PRKCB: variants seen among roughly 807,000 people sequenced by gnomAD.
The protein encoded by PRKCB is protein kinase C beta type.
A neutral mutation model predicts 81.5 loss-of-function variants in PRKCB; 13 were observed. That is an observed-to-expected ratio of 0.16 (90% confidence interval 0.10 to 0.25). PRKCB has a LOEUF of 0.25. PRKCB is among the 10% of genes least tolerant of loss of function. The pLI is 1.00. For missense variants in PRKCB, 509 were observed against 875.7 expected (o/e 0.58, Z 5.29); for synonymous variants, 335 against 321.4 (o/e 1.04, Z -0.45).
intron 11 of PRKCB, chr16:24,174,177 T>A (rs1022517560): frequency 5.2e-6 from 1 of 193,172 alleles, no homozygotes; most frequent in African/African-American, 2.3e-5. Context: ...ACCCAGTTAT[T>A]TTTTTTCTTT....
chr16:24,078,434 A>G (rs1347545263), intron 5 of PRKCB, among the ~76,000 whole-genome samples: 1 of 152,200 alleles, frequency 6.6e-6, no homozygotes, highest in Admixed American at 6.5e-5. Flanking sequence ...AACAAGAAGT[A>G]AAGCTAACTT....
At chr16:23,837,116 C>T in intron 1 of PRKCB, 4 of 561,432 alleles carry the variant, frequency 7.1e-6, no homozygotes, top group East Asian at 6.6e-5. Flanking sequence ...CAGCCCCTAC[C>T]CCGACGGAAA....
rs56897816 is a variant in PRKCB, at chr16:23,900,718, G to GTTTTTTT, written c.205+63338_205+63344dup. On this transcript the variant is annotated intron_variant, in intron 2 of 16. Transcript: ENST00000643927. ...CTCATTCATTTTAACAGCTGCACAG[G>GTTTTTTT]TTTTTTTTTTTTTTTTTTTTTTTTT... is the stretch of plus-strand genomic sequence containing the variant. Among the ~76,000 whole-genome samples the GTTTTTTT allele has an allele frequency of 7.4e-4, 46 of 62,264 alleles. 3 individuals carry two copies. The highest frequency in any genetic ancestry group is 2.7e-3 in the African/African-American group (38 of 14,274). 40.8% of individuals were successfully genotyped at this position (62,264 alleles called of 152,430 possible).
chr16:24,159,315 G>A lies in PRKCB; in HGVS notation c.1239+4458G>A, dbSNP rs1011910298. 3.3e-5 allele frequency among the ~76,000 whole-genome samples: 5 copies of A among 152,296 alleles called. No individual in the cohort carries two copies. The East Asian group carries it at 5.8e-4, about 18-fold the overall frequency. On this transcript the variant is annotated intron_variant, in intron 10 of 16. Coordinates refer to ENST00000643927, the MANE Select transcript of PRKCB (RefSeq NM_002738.7). ...TAGTTCTTCCTCGACACAGCACTGG[G>A]TCATTGGCTCATTGAGCTCAGAGCC... is the stretch of plus-strand genomic sequence containing the variant.
At chr16:24,192,032 T>G (rs1368050429) in intron 16 of PRKCB, among the ~76,000 whole-genome samples, 1 of 152,260 alleles carries the variant, frequency 6.6e-6, no homozygotes, top group African/African-American at 2.4e-5. Flanking sequence ...TGATGGGTTG[T>G]AAAACTACTG....
chr16:23,943,519 ACT>A (rs141537372), intron 2 of PRKCB, among the ~76,000 whole-genome samples: 13 of 149,092 alleles, frequency 8.7e-5, no homozygotes, highest in African/African-American at 1.7e-4. Context: ...ATAGAGTGAG[ACT>A]CTCTCTCTCT....
chr16:23,909,263 A>G (rs80195135), intron 2 of PRKCB, among the ~76,000 whole-genome samples: 2,957 of 152,228 alleles, frequency 0.019, 91 homozygotes, highest in African/African-American at 0.065. Flanking sequence ...GTTTTCTTCC[A>G]CATTCCTCTA....
rs1962179187 is a variant in PRKCB at position 23,837,228 on chromosome 16, G to A, written c.174-147G>A. On this transcript the variant is annotated intron_variant, in intron 1 of 16. Transcript: ENST00000643927. ...CCGAGCTCCCACCTACCCCCACAAAGGCGGAAGACTCTTGGGCACCCGCCT... is the reference window on the plus strand; with the variant it reads ...CCGAGCTCCCACCTACCCCCACAAAAGCGGAAGACTCTTGGGCACCCGCCT... 4.3e-6 allele frequency: 4 copies of A among 936,966 alleles called. No homozygotes were observed. In the African/African-American group the frequency reaches 6.5e-5, roughly 15 times the overall value. 58.0% of individuals were successfully genotyped at this position (936,966 alleles called of 1,614,324 possible).
intron 16 of PRKCB, among the ~76,000 whole-genome samples, chr16:24,207,355 CAAT>C (rs1482779334): frequency 1.3e-5 from 2 of 152,042 alleles, no homozygotes; most frequent in Non-Finnish European, 2.9e-5. Flanking sequence ...ATAATAATAA[CAAT>C]ACCTGATTGT....
At chr16:24,100,747 G>T (rs138286876) in intron 7 of PRKCB, among the ~76,000 whole-genome samples, 43 of 152,334 alleles carry the variant, frequency 2.8e-4, no homozygotes, top group African/African-American at 1.0e-3. Flanking sequence ...AGCAGAGAAA[G>T]AGTTTAATAA....
intron 15 of PRKCB, among the ~76,000 whole-genome samples, chr16:24,190,554 T>C (rs2141979426): frequency 6.7e-6 from 1 of 150,192 alleles, no homozygotes; most frequent in East Asian, 2.0e-4. Context: ...AGTCTCTCTC[T>C]GTCGCCAGAC....
intron 7 of PRKCB, among the ~76,000 whole-genome samples, chr16:24,108,683 C>T (rs1966613453): frequency 6.6e-6 from 1 of 150,818 alleles, no homozygotes; most frequent in South Asian, 2.1e-4. Flanking sequence ...GGTCATAGAT[C>T]AACAGGATCC....
chr16:24,187,845 A>G (rs1007354817), intron 15 of PRKCB, among the ~76,000 whole-genome samples: 2 of 152,192 alleles, frequency 1.3e-5, no homozygotes, highest in African/African-American at 2.4e-5. Context: ...CACCCAGCCT[A>G]GGTGCAAGAT....
rs1228158870 is a variant in PRKCB at position 23,847,543 on chromosome 16, TCCATCCAA to T, written c.205+10145_205+10152del. 3.0e-3 allele frequency among the ~76,000 whole-genome samples: 448 copies of T among 149,186 alleles called. 1 individual carries two copies. The highest frequency in any genetic ancestry group is 0.011 in the African/African-American group (431 of 40,246). ...ATCCACCCAGCTATTCTTCCATTCA[TCCATCCAA>T]CCATCCATCCATCCATCCATCCATC... On this transcript the variant is annotated intron_variant, in intron 2 of 16. Transcript: ENST00000643927.
At chr16:24,157,451 G>T (rs536170556) in intron 10 of PRKCB, among the ~76,000 whole-genome samples, 2 of 151,870 alleles carry the variant, frequency 1.3e-5, no homozygotes, top group Non-Finnish European at 2.9e-5. Context: ...ACCCCACTTC[G>T]CTCTGCACTT....
intron 13 of PRKCB, among the ~76,000 whole-genome samples, chr16:24,182,473 A>T (rs538041973): frequency 6.6e-6 from 1 of 152,176 alleles, no homozygotes; most frequent in African/African-American, 2.4e-5. Flanking sequence ...GTAAGCAGTG[A>T]TCATGCCACT....
intron 9 of PRKCB, among the ~76,000 whole-genome samples, chr16:24,146,035 C>T (rs775087673): frequency 9.9e-5 from 15 of 152,026 alleles, no homozygotes; most frequent in African/African-American, 2.2e-4. Context: ...ATTTGGATAC[C>T]GACAGAACAC....
At chr16:24,141,276 C>T (rs1304894114) in intron 9 of PRKCB, among the ~76,000 whole-genome samples, 4 of 151,866 alleles carry the variant, frequency 2.6e-5, no homozygotes, top group East Asian at 3.9e-4. Context: ...GTCACTGCAA[C>T]GTCCACCTCC....
chr16:24,073,715 T>A (rs112697906), intron 5 of PRKCB, among the ~76,000 whole-genome samples: 13 of 152,296 alleles, frequency 8.5e-5, no homozygotes, highest in African/African-American at 2.6e-4. Flanking sequence ...CGATAAACGA[T>A]GTGCTGACTT....
Sources: gnomAD v4.1 joint callset for allele counts (sites outside exome capture counted in the v4.1 genomes callset) on GRCh38, gnomAD v4.1.1 for gene constraint, MANE v1.5 for transcripts, NCBI Gene and HGNC (gene_info 2026-07-23, HGNC 2026-07-21) for gene names.